Variants in WDFY4 observed in about 807,000 individuals in gnomAD.
The protein encoded by WDFY4 is WD repeat- and FYVE domain-containing protein 4.
WDFY4 carries 169 observed loss-of-function variants against 351.9 expected under a neutral mutation model. The ratio of observed to expected loss-of-function variants is 0.48; its 90% CI spans 0.42 to 0.55. WDFY4 has a LOEUF of 0.55. WDFY4 is among the 20% of genes least tolerant of loss of function. WDFY4 has a pLI of 0.00. For synonymous variants in WDFY4, 1,622 were observed against 1,574.6 expected (o/e 1.03, Z -0.71); for missense variants, 3,803 against 3,935.6 (o/e 0.97, Z 0.90).
At chr10:48,743,947 G>A (rs2064935248) in intron 12 of WDFY4, among the ~76,000 whole-genome samples, 1 of 152,042 alleles carries the variant, frequency 6.6e-6, no homozygotes, top group Admixed American at 6.5e-5. Context: ...CCAGGGGTGG[G>A]GTGAGATCCT....
At position 48,867,337 on chromosome 10, in the gene WDFY4, G is replaced by A. The variant is rs1472338764; in HGVS notation, c.6736G>A (p.Val2246Met). ...ELYASLYKDH[V>M]QRRKCGNIKA... ...ATATGCATCTTTATACAAAGACCAT[G>A]TGCAAGTAAGAAACAAAACATAGGC... is the stretch of plus-strand genomic sequence containing the variant. The change falls in exon 40 of 62, where the codon GTG becomes ATG. Residue 2246 changes from valine (V) to methionine (M), a missense_variant. This residue lies in a region of WDFY4 where 3,054 missense variants were observed against 3,148.6 expected (regional missense o/e 0.97). Transcript: ENST00000325239. 3.5e-5 allele frequency: 53 copies of A among 1,495,442 alleles called. No individual in the cohort carries two copies. Among genetic ancestry groups the A allele is most frequent in the Non-Finnish European group, 4.5e-5 (50 of 1,116,928 alleles). 92.6% of individuals were successfully genotyped at this position (1,495,442 alleles called of 1,614,324 possible).
chr10:48,866,974 C>T (rs1209829501), intron 39 of WDFY4, among the ~76,000 whole-genome samples: 1 of 151,876 alleles, frequency 6.6e-6, no homozygotes, highest in Non-Finnish European at 1.5e-5. Context: ...AGTTCAAGAC[C>T]AGCCTGGCCA....
intron 12 of WDFY4, among the ~76,000 whole-genome samples, chr10:48,751,806 G>T (rs1015500654): frequency 2.6e-5 from 4 of 152,164 alleles, no homozygotes; most frequent in Non-Finnish European, 5.9e-5. Flanking sequence ...ACAAGTACCA[G>T]GATTGGAGTA....
chr10:48,783,007 A>G (rs533226996), intron 19 of WDFY4, among the ~76,000 whole-genome samples: 1 of 152,156 alleles, frequency 6.6e-6, no homozygotes, highest in Non-Finnish European at 1.5e-5. Context: ...ACAGAAAATC[A>G]TACTCCTGGC....
chr10:48,953,686 A>T (rs1841450394), intron 51 of WDFY4, among the ~76,000 whole-genome samples: 1 of 152,254 alleles, frequency 6.6e-6, no homozygotes, highest in South Asian at 2.1e-4. Flanking sequence ...TTCCATATCC[A>T]GATGTGGCAG....
chr10:48,710,083 C>T (rs771633560), intron 2 of WDFY4, 117 bp downstream of exon 2: 24 of 978,888 alleles, frequency 2.5e-5, no homozygotes, highest in Non-Finnish European at 3.5e-5. Flanking sequence ...TGATTGGTTG[C>T]TCAGGGGAGT....
intron 13 of WDFY4, among the ~76,000 whole-genome samples, chr10:48,769,212 G>T (rs538755057): frequency 1.2e-4 from 19 of 152,296 alleles, no homozygotes; most frequent in Admixed American, 7.8e-4. Context: ...TTCCATGGGG[G>T]TTGGAATCTC....
chr10:48,783,697 A>G (rs1470524202), intron 19 of WDFY4, among the ~76,000 whole-genome samples: 1 of 152,168 alleles, frequency 6.6e-6, no homozygotes, highest in East Asian at 1.9e-4. Flanking sequence ...CGAAGTATAG[A>G]AAATCTTGTA....
chr10:48,820,256 G>T lies in WDFY4; in HGVS notation c.5528G>T (p.Arg1843Leu), dbSNP rs769514257. 3.9e-6 allele frequency: 6 copies of T among 1,551,510 alleles called. No homozygotes were observed. In the African/African-American group the frequency reaches 4.1e-5, roughly 11 times the overall value. ...AQKGVGAEST[R>L]NTSSPEAAAE... ...GAGGGGGTTGGGGCTGAGTCCACCC[G>T]GAACACCAGCAGTCCTGAGGCCGCA... Residue 1843 changes from arginine (R) to leucine (L), a missense_variant, in exon 33 of 62, where the codon CGG becomes CTG. Around this residue, in one of 3 missense-constraint regions of WDFY4, gnomAD observed 3,054 missense variants for 3,148.6 expected, o/e 0.97. Coordinates refer to ENST00000325239, the MANE Select transcript of WDFY4 (RefSeq NM_001394531.1).
At chr10:48,704,864 A>G (rs1415086093) in intron 1 of WDFY4, among the ~76,000 whole-genome samples, 1 of 152,268 alleles carries the variant, frequency 6.6e-6, no homozygotes, top group East Asian at 1.9e-4. Flanking sequence ...GAAGAGATGC[A>G]TGTAAATGCC....
intron 47 of WDFY4, among the ~76,000 whole-genome samples, chr10:48,912,730 G>C (rs1838122547): frequency 6.6e-6 from 1 of 152,210 alleles, no homozygotes; most frequent in Non-Finnish European, 1.5e-5. Flanking sequence ...TAATAGGATG[G>C]GAGTGCAACT....
intron 61 of WDFY4, among the ~76,000 whole-genome samples, chr10:48,982,000 G>T (rs1168684066): frequency 6.6e-6 from 1 of 152,202 alleles, no homozygotes; most frequent in Non-Finnish European, 1.5e-5. Context: ...TGCAGCCTTA[G>T]GGGCCGCTGA....
At chr10:48,695,967 G>C (rs551859730) in intron 1 of WDFY4, among the ~76,000 whole-genome samples, 7 of 152,312 alleles carry the variant, frequency 4.6e-5, no homozygotes, top group African/African-American at 1.7e-4. Flanking sequence ...AGTGAGGACT[G>C]GAATCAGAAA....
chr10:48,788,717 G>A, intron 21 of WDFY4, 42 bp downstream of exon 21: 2 of 1,545,246 alleles, frequency 1.3e-6, no homozygotes, highest in Middle Eastern at 1.7e-4. Flanking sequence ...TTGGAATCTG[G>A]TTTCATGGTT....
Position 48,820,347 on chromosome 10 carries a change from G to T in WDFY4, c.5619G>T (p.Lys1873Asn), listed in dbSNP as rs757545015. The T allele has an allele frequency of 5.2e-6, 8 of 1,551,540 alleles. No homozygotes were observed. The highest frequency in any genetic ancestry group is 6.1e-6 in the Non-Finnish European group (7 of 1,147,006). Residue 1873 changes from lysine to asparagine, a missense_variant, in exon 33 of 62, where the codon AAG (lysine) becomes AAT (asparagine). Lys to Asn is a moderately conservative substitution (Grantham distance 94, BLOSUM62 0). This residue lies in a region of WDFY4 where 3,054 missense variants were observed against 3,148.6 expected (regional missense o/e 0.97). Coordinates refer to ENST00000325239, the MANE Select transcript of WDFY4 (RefSeq NM_001394531.1). ...APTKAHPARR[K>N]LREFTQLLLR... ...CCAAGGCACATCCCGCCCGGAGGAA[G>T]CTGAGGGAGTTCACGCAGCTCCTCT...
chr10:48,840,425 TACACACACAC>T (rs10637501), intron 39 of WDFY4, among the ~76,000 whole-genome samples: 3 of 145,634 alleles, frequency 2.1e-5, no homozygotes, highest in African/African-American at 5.1e-5. Flanking sequence ...CACATACACA[TACACACACAC>T]ACACACACAC....
At chr10:48,749,353 A>C (rs191334090) in intron 12 of WDFY4, among the ~76,000 whole-genome samples, 39 of 152,026 alleles carry the variant, frequency 2.6e-4, no homozygotes, top group Non-Finnish European at 5.6e-4. Context: ...ACATGTACAC[A>C]AAACACACAC....
In WDFY4 at chr10:48,820,216, G is replaced by T. The variant is rs975060312; in HGVS notation, c.5506-18G>T. ...AGGCAGGGCAGGCCACTCATGTTGG[G>T]GTTCTCTTGTCTTTGAGGGGGTTGG... On this transcript the variant is annotated intron_variant, in intron 32 of 61. Transcript: ENST00000325239. 9.0e-6 allele frequency: 14 copies of T among 1,551,414 alleles called. No individual in the cohort carries two copies. The African/African-American group carries it at 1.4e-4, about 15-fold the overall frequency.
chr10:48,757,005 G>A (rs1268493142), intron 12 of WDFY4, among the ~76,000 whole-genome samples: 4 of 151,484 alleles, frequency 2.6e-5, no homozygotes, highest in Non-Finnish European at 3.0e-5. Context: ...GTGTAGAACT[G>A]GTGTTATTTC....
Sources: allele counts gnomAD v4.1 joint callset (sites outside exome capture counted in the v4.1 genomes callset), GRCh38; gene constraint gnomAD v4.1.1; regional missense constraint gnomAD v4.1.1; transcripts MANE v1.5; gene names NCBI Gene and HGNC (gene_info 2026-07-23, HGNC 2026-07-21).